DOK6: variants seen among roughly 807,000 people sequenced by gnomAD.
The protein encoded by DOK6 is downstream of tyrosine kinase 6.
DOK6 carries 22 observed loss-of-function variants against 44.0 expected under a neutral mutation model. That is an observed-to-expected ratio of 0.50 (90% CI 0.36 to 0.71). The LOEUF (loss-of-function observed/expected upper bound fraction) is 0.71, where lower values mean the gene tolerates loss of function less well. Ranked by LOEUF, DOK6 falls within the 30% of genes least tolerant of loss-of-function variation. The pLI is 0.00. For synonymous variants in DOK6, 166 were observed against 145.5 expected, an observed-to-expected ratio of 1.14 and a Z score of -1.01; for missense variants, 340 against 416.4, an observed-to-expected ratio of 0.82 and a Z score of 1.60.
At chr18:69,617,698 C>A (rs1387177007) in intron 3 of DOK6, among the ~76,000 whole-genome samples, 10 of 25,692 alleles carry the variant, frequency 3.9e-4, no homozygotes, top group Admixed American at 6.4e-4. Flanking sequence ...AAAGAAAAGA[C>A]GGAAAGAGAA....
chr18:69,726,023 T>C (rs760929704), intron 5 of DOK6, among the ~76,000 whole-genome samples: 102 of 152,290 alleles, frequency 6.7e-4, no homozygotes, highest in African/African-American at 2.4e-3. Context: ...TGGGGAGAAT[T>C]TGATTGTCTC....
intron 1 of DOK6, among the ~76,000 whole-genome samples, chr18:69,420,483 T>C (rs2122405762): frequency 6.6e-6 from 1 of 152,172 alleles, no homozygotes; most frequent in South Asian, 2.1e-4. Context: ...TCTTTATTTA[T>C]TTATTTATTT....
At chr18:69,675,924 T>TTTTTTGC (rs1985911916) in intron 3 of DOK6, among the ~76,000 whole-genome samples, 1 of 152,010 alleles carries the variant, frequency 6.6e-6, no homozygotes, top group African/African-American at 2.4e-5. Flanking sequence ...AAAAGTTTTG[T>TTTTTTGC]TTTTTGTTTT....
chr18:69,584,055 C>T (rs1366041855), intron 2 of DOK6, among the ~76,000 whole-genome samples: 5 of 145,232 alleles, frequency 3.4e-5, no homozygotes, highest in Non-Finnish European at 6.0e-5. Context: ...TTGCAGTGAG[C>T]CGAGATCGCG....
chr18:69,700,221 A>ATATATATATATATATATG (rs1199825517), intron 5 of DOK6, among the ~76,000 whole-genome samples: 2 of 106,202 alleles, frequency 1.9e-5, no homozygotes, highest in Non-Finnish European at 4.1e-5. Context: ...ATATACATAT[A>ATATATATATATATATATG]TATATATATA....
At chr18:69,813,506 C>CA (rs989911841) in intron 7 of DOK6, among the ~76,000 whole-genome samples, 2 of 151,790 alleles carry the variant, frequency 1.3e-5, no homozygotes, top group African/African-American at 2.4e-5. Flanking sequence ...ACGGTTTATG[C>CA]AAAAAACAAG....
chr18:69,794,992 A>G (rs937190512), intron 7 of DOK6, among the ~76,000 whole-genome samples: 2 of 152,164 alleles, frequency 1.3e-5, no homozygotes, highest in Non-Finnish European at 2.9e-5. Flanking sequence ...GGGTTGTATA[A>G]TAATTTCATT....
At chr18:69,452,244 C>A (rs1876710041) in intron 1 of DOK6, among the ~76,000 whole-genome samples, 1 of 148,888 alleles carries the variant, frequency 6.7e-6, no homozygotes, top group Admixed American at 6.7e-5. Flanking sequence ...ACCACCGATC[C>A]CACAGAAATA....
At chr18:69,725,852 A>G (rs967040471) in intron 5 of DOK6, among the ~76,000 whole-genome samples, 3 of 152,224 alleles carry the variant, frequency 2.0e-5, no homozygotes, top group African/African-American at 7.2e-5. Flanking sequence ...TATATGGAAC[A>G]AAGTGTGCCT....
At chr18:69,534,470 C>A (rs991984954) in intron 1 of DOK6, among the ~76,000 whole-genome samples, 1 of 152,060 alleles carries the variant, frequency 6.6e-6, no homozygotes, top group Non-Finnish European at 1.5e-5. Context: ...CAATGTAATA[C>A]ACTTATTATT....
intron 1 of DOK6, among the ~76,000 whole-genome samples, chr18:69,503,850 A>G (rs1456788096): frequency 6.6e-6 from 1 of 152,062 alleles, no homozygotes; most frequent in Non-Finnish European, 1.5e-5. Context: ...AGAAATGAAT[A>G]GAGTCATTAT....
chr18:69,467,584 T>A (rs1468553967), intron 1 of DOK6, among the ~76,000 whole-genome samples: 1 of 152,214 alleles, frequency 6.6e-6, no homozygotes, highest in Non-Finnish European at 1.5e-5. Context: ...AATTTATATT[T>A]GGCTCATAAT....
intron 1 of DOK6, among the ~76,000 whole-genome samples, chr18:69,481,581 C>T (rs1462098961): frequency 6.6e-6 from 1 of 152,120 alleles, no homozygotes; most frequent in African/African-American, 2.4e-5. Flanking sequence ...CATAGTATAC[C>T]ATGGTGTATG....
intron 1 of DOK6, among the ~76,000 whole-genome samples, chr18:69,462,087 G>A (rs376136761): frequency 6.6e-6 from 1 of 152,124 alleles, no homozygotes; most frequent in Non-Finnish European, 1.5e-5. Context: ...CAAGTAGATA[G>A]GATATCTCTT....
chr18:69,408,658 G>A (rs1321555370), intron 1 of DOK6, among the ~76,000 whole-genome samples: 1 of 152,160 alleles, frequency 6.6e-6, no homozygotes, highest in Non-Finnish European at 1.5e-5. Context: ...AAACTGTACA[G>A]ATTAATGGGG....
chr18:69,568,755 C>T lies in DOK6; in HGVS notation c.174+4161C>T, dbSNP rs550548601. Among the ~76,000 whole-genome samples the T allele has an allele frequency of 5.3e-5, 8 of 152,156 alleles. 1 individual carries two copies. Among genetic ancestry groups the T allele is most frequent in the Admixed American group, 1.3e-4 (2 of 15,284 alleles). On this transcript the variant is annotated intron_variant, in intron 2 of 7. Transcript: ENST00000382713. ...ACCTGAGCTCCACCTCCTGTCAGAT[C>T]GGTGGCAGCATTACATTCTCATAGG...
intron 3 of DOK6, among the ~76,000 whole-genome samples, chr18:69,647,709 G>C (rs190144465): frequency 1.3e-5 from 2 of 152,110 alleles, no homozygotes; most frequent in Admixed American, 1.3e-4. Flanking sequence ...TAGGAGAAAT[G>C]AAAGGCACTA....
chr18:69,589,461 A>G (rs531229676), intron 2 of DOK6, among the ~76,000 whole-genome samples: 1 of 152,164 alleles, frequency 6.6e-6, no homozygotes, highest in South Asian at 2.1e-4. Context: ...AATTCATTTG[A>G]CTCTACTTGA....
intron 5 of DOK6, among the ~76,000 whole-genome samples, chr18:69,737,713 G>A (rs1978659024): frequency 6.6e-6 from 1 of 152,144 alleles, no homozygotes; most frequent in Admixed American, 6.5e-5. Context: ...TTACTTCAGA[G>A]ACAAAAATCC....
Sources: allele counts gnomAD v4.1 joint callset (sites outside exome capture counted in the v4.1 genomes callset), GRCh38; gene constraint gnomAD v4.1.1; transcripts MANE v1.5; gene names NCBI Gene and HGNC (gene_info 2026-07-23, HGNC 2026-07-21).